Variants in ATP2A2 observed in about 807,000 individuals in gnomAD.
ATP2A2 encodes the protein ATPase sarcoplasmic/endoplasmic reticulum Ca2+ transporting 2.
Under a neutral mutation model 109.3 loss-of-function variants are expected in ATP2A2, and 14 were observed. The ratio of observed to expected loss-of-function variants is 0.13; its 90% CI spans 0.08 to 0.20. The LOEUF (loss-of-function observed/expected upper bound fraction) is 0.20, where lower values mean the gene tolerates loss of function less well. Ranked by LOEUF, ATP2A2 falls within the 10% of genes least tolerant of loss-of-function variation. The pLI is 1.00. For missense variants in ATP2A2, 657 were observed against 1,321.6 expected (o/e 0.50, Z 7.80); for synonymous variants, 506 against 490.9 (o/e 1.03, Z -0.41).
intron 5 of ATP2A2, among the ~76,000 whole-genome samples, chr12:110,314,221 G>C (rs1051742150): frequency 6.6e-6 from 1 of 152,004 alleles, no homozygotes; most frequent in African/African-American, 2.4e-5. Flanking sequence ...CCAACTACTT[G>C]GGAGGCTGAG....
chr12:110,302,448 CAT>C (rs1323638460), intron 5 of ATP2A2, among the ~76,000 whole-genome samples: 2 of 152,142 alleles, frequency 1.3e-5, no homozygotes, highest in Non-Finnish European at 2.9e-5. Flanking sequence ...CTGAATCCTT[CAT>C]AGATAGTGCT....
chr12:110,297,542 T>G (rs1461064920), intron 5 of ATP2A2, among the ~76,000 whole-genome samples: 2 of 152,012 alleles, frequency 1.3e-5, no homozygotes, highest in Admixed American at 1.3e-4. Flanking sequence ...ATGAATCCAC[T>G]GTGAGTCCAG....
intron 3 of ATP2A2, among the ~76,000 whole-genome samples, chr12:110,283,726 A>G (rs868393456): frequency 6.6e-6 from 1 of 152,354 alleles, no homozygotes. Context: ...ACGATAAGTG[A>G]AATTCACCCA....
rs556787256 is a variant in ATP2A2, at chr12:110,350,584, G to C, written c.*4114G>C. The C allele has an allele frequency of 5.7e-6, 3 of 522,036 alleles. No individual in the cohort carries two copies. Among genetic ancestry groups the C allele is most frequent in the Admixed American group, 6.8e-5 (2 of 29,420 alleles). The allele number at this position is 522,036 out of a possible 1,614,324, so 32.3% of individuals were successfully genotyped here. ...TTTGCTGCAAGAGGAATGAGGCTCTGTAACCTTATCTAAGAACTTGGAAGC... is the reference window on the plus strand; with the variant it reads ...TTTGCTGCAAGAGGAATGAGGCTCTCTAACCTTATCTAAGAACTTGGAAGC... On this transcript the variant is annotated 3_prime_UTR_variant, in exon 20 of 20. Coordinates refer to ENST00000539276, the MANE Select transcript of ATP2A2 (RefSeq NM_170665.4).
chr12:110,287,872 T>G (rs1872825702), intron 3 of ATP2A2, among the ~76,000 whole-genome samples: 1 of 152,110 alleles, frequency 6.6e-6, no homozygotes, highest in Non-Finnish European at 1.5e-5. Context: ...TGCCTCAGCT[T>G]CCCAAAGTGC....
Position 110,339,988 on chromosome 12 carries a change from G to T in ATP2A2, c.1761+267G>T, listed in dbSNP as rs1025773500. On this transcript the variant is annotated intron_variant, in intron 13 of 19. Transcript: ENST00000539276. This position sits in a 1 kb window ranked among gnomAD's most constrained non-coding sequence, Gnocchi z 4.4. ...AGCTTAAGCTTGTAAACCCCATTTT[G>T]CCTCTCATCTAAATCATGATTTTTT... Among the ~76,000 whole-genome samples the T allele has an allele frequency of 6.6e-6, 1 of 152,096 alleles. No individual in the cohort carries two copies. Among genetic ancestry groups the T allele is most frequent in the Non-Finnish European group, 1.5e-5 (1 of 68,024 alleles).
chr12:110,351,015 AGTTT>A lies in ATP2A2; in HGVS notation c.*4550_*4553del, dbSNP rs1365439280. 2.0e-5 allele frequency: 3 copies of A among 152,596 alleles called. No individual in the cohort carries two copies. Among genetic ancestry groups the A allele is most frequent in the Non-Finnish European group, 2.9e-5 (2 of 68,320 alleles). The allele number at this position is 152,596 out of a possible 1,614,324, so 9.5% of individuals were successfully genotyped here. On this transcript the variant is annotated 3_prime_UTR_variant, in exon 20 of 20. Coordinates refer to ENST00000539276, the MANE Select transcript of ATP2A2 (RefSeq NM_170665.4). ...TGACTTTAGACTGTAAATAGAGATC[AGTTT>A]GTTTCTTTCTGTGCTGGTAACAATG...
rs148232587 is a variant in ATP2A2 at position 110,333,925 on chromosome 12, G to A, written c.1288-87G>A. 3.2e-6 allele frequency: 5 copies of A among 1,577,756 alleles called. No homozygotes were observed. The Admixed American group carries it at 6.7e-5, about 21-fold the overall frequency. On this transcript the variant is annotated intron_variant, in intron 10 of 19. Transcript: ENST00000539276. ...ACAGTGTTGTAATAGAGGACAGATT[G>A]TGCTTTTGTGGAAAAAAAATATTAA...
chr12:110,344,789 C>G (rs1307577078), intron 16 of ATP2A2, 97 bp from the exon 17 acceptor site: 1 of 1,221,680 alleles, frequency 8.2e-7, no homozygotes, highest in Non-Finnish European at 1.2e-6. Context: ...TGTCCCATGT[C>G]TTTGATCTTC....
At chr12:110,341,525 C>T (rs1879350853) in intron 14 of ATP2A2, among the ~76,000 whole-genome samples, 1 of 152,138 alleles carries the variant, frequency 6.6e-6, no homozygotes, top group Non-Finnish European at 1.5e-5. Flanking sequence ...ATATTAAAAA[C>T]ATGGGAGTGC....
chr12:110,332,575 C>A, intron 8 of ATP2A2, 22 bp from the exon 9 acceptor site: 2 of 1,578,966 alleles, frequency 1.3e-6, no homozygotes, highest in Non-Finnish European at 1.7e-6. Flanking sequence ...TTTAAATACT[C>A]TGATGCGCTC....
chr12:110,317,787 A>G (rs550302370), intron 5 of ATP2A2, among the ~76,000 whole-genome samples: 64 of 152,190 alleles, frequency 4.2e-4, no homozygotes, highest in Non-Finnish European at 4.3e-4. Context: ...AAACGTGGCA[A>G]ACTGATAATT....
chr12:110,313,605 G>A (rs1876339341), intron 5 of ATP2A2, among the ~76,000 whole-genome samples: 1 of 150,464 alleles, frequency 6.6e-6, no homozygotes, highest in South Asian at 2.1e-4. Context: ...GTGAGCCACC[G>A]CTGCTGGCCA....
chr12:110,291,527 A>G (rs1873294132), intron 3 of ATP2A2, among the ~76,000 whole-genome samples: 1 of 152,172 alleles, frequency 6.6e-6, no homozygotes, highest in South Asian at 2.1e-4. Flanking sequence ...TTGACTTTCA[A>G]GAATTCTTAT....
rs76413950 is a variant in ATP2A2 at position 110,320,393 on chromosome 12, C to T, written c.464-2599C>T. 6.9e-3 allele frequency among the ~76,000 whole-genome samples: 1,048 copies of T among 152,286 alleles called. 1 individual carries two copies. Among genetic ancestry groups the T allele is most frequent in the Non-Finnish European group, 9.5e-3 (645 of 68,026 alleles). Reference sequence around the variant, plus strand: ...CTACTCCATAGGATCATGACATTGACGTAAATCAAATCCTCAGACACCAAA... The same window carrying T: ...CTACTCCATAGGATCATGACATTGATGTAAATCAAATCCTCAGACACCAAA... On this transcript the variant is annotated intron_variant, in intron 5 of 19. Coordinates refer to ENST00000539276, the MANE Select transcript of ATP2A2 (RefSeq NM_170665.4).
Position 110,345,267 on chromosome 12 carries a change from A to G in ATP2A2, c.2626A>G (p.Lys876Glu). Residue 876 changes from lysine (K) to glutamate (E), a missense_variant, in exon 18 of 20, where the codon AAA becomes GAA. Around this residue, in one of 9 missense-constraint regions of ATP2A2, gnomAD observed 125 missense variants for 243.5 expected, o/e 0.51. Transcript: ENST00000539276. ...CTTGCAGAGTCATTTCCTACAGTGT[A>G]AAGAGGACAACCCGGACTTTGAAGG... ...FYQLSHFLQC[K>E]EDNPDFEGVD... 2 of 1,614,176 alleles carry G rather than the reference A, an allele frequency of 1.2e-6. No individual in the cohort carries two copies. Among genetic ancestry groups the G allele is most frequent in the Non-Finnish European group, 1.7e-6 (2 of 1,180,028 alleles).
chr12:110,348,379 TAGCC>T lies in ATP2A2; in HGVS notation c.*1912_*1915del. Reference sequence around the variant, plus strand: ...ACAGCCCAAAAACCAGCTTACTCCTTAGCCAGGGTGTGAGGCCTCGACTATATTC... The same window carrying T: ...ACAGCCCAAAAACCAGCTTACTCCTTAGGGTGTGAGGCCTCGACTATATTC... On this transcript the variant is annotated 3_prime_UTR_variant, in exon 20 of 20. Transcript: ENST00000539276. 1 of 985,424 alleles carries T rather than the reference TAGCC, an allele frequency of 1.0e-6. No homozygotes were observed. The highest frequency in any genetic ancestry group is 1.2e-6 in the Non-Finnish European group (1 of 829,982). 61.0% of individuals were successfully genotyped at this position (985,424 alleles called of 1,614,324 possible).
chr12:110,303,019 T>G (rs1874849458), intron 5 of ATP2A2, among the ~76,000 whole-genome samples: 1 of 152,212 alleles, frequency 6.6e-6, no homozygotes, highest in African/African-American at 2.4e-5. Flanking sequence ...GTTTAGAATG[T>G]ATGTGGGCAT....
At chr12:110,337,843 T>G (rs1312054362) in intron 11 of ATP2A2, among the ~76,000 whole-genome samples, 2 of 152,218 alleles carry the variant, frequency 1.3e-5, no homozygotes, top group African/African-American at 4.8e-5. Flanking sequence ...ACAGAGACCA[T>G]GCTAACATAA....
Sources: gnomAD v4.1 joint callset for allele counts (sites outside exome capture counted in the v4.1 genomes callset) on GRCh38, gnomAD v4.1.1 for gene constraint, gnomAD v4.1.1 regional missense constraint, Gnocchi (gnomAD v3.1) non-coding constraint, MANE v1.5 for transcripts, NCBI Gene and HGNC (gene_info 2026-07-23, HGNC 2026-07-21) for gene names.